TRIM61: variants seen among roughly 807,000 people sequenced by gnomAD.
TRIM61 encodes putative tripartite motif-containing protein 61.
Under a neutral mutation model 14.2 loss-of-function variants are expected in TRIM61, and 1 was observed. The ratio of observed to expected loss-of-function variants is 0.07; its 90% CI spans 0.03 to 0.33. The LOEUF (loss-of-function observed/expected upper bound fraction) is 0.33. Ranked by LOEUF, TRIM61 falls within the 10% of genes least tolerant of loss-of-function variation. TRIM61 has a pLI of 0.99. For synonymous variants in TRIM61, 8 were observed against 71.6 expected, an observed-to-expected ratio of 0.11 and a Z score of 4.49; for missense variants, 19 against 202.2, an observed-to-expected ratio of 0.09 and a Z score of 5.49.
chr4:164,968,698 T>G (rs2111145653), intron 3 of TRIM61: 2 of 984,290 alleles, frequency 2.0e-6, no homozygotes, highest in East Asian at 1.1e-4. Flanking sequence ...AGAGAAGAGA[T>G]CTATCATTCA....
chr4:164,957,284 C>G lies in TRIM61; in HGVS notation c.526-2188G>C, dbSNP rs769800735. ...GAAGCGAATCGTTTTCTCCGCGTGCCCTGTCAGCCGCTCATGGTGCCCAGA... is the reference window on the plus strand; with the variant it reads ...GAAGCGAATCGTTTTCTCCGCGTGCGCTGTCAGCCGCTCATGGTGCCCAGA... On this transcript the variant is annotated intron_variant, in intron 3 of 4. Transcript: ENST00000329314. 48 of 1,614,072 alleles carry G rather than the reference C, an allele frequency of 3.0e-5. 1 individual carries two copies. The highest frequency in any genetic ancestry group is 3.7e-5 in the Non-Finnish European group (44 of 1,180,040).
At chr4:164,969,073 G>A (rs1732302528) in intron 3 of TRIM61, 1 of 1,079,070 alleles carries the variant, frequency 9.3e-7, no homozygotes, top group Non-Finnish European at 1.1e-6. Flanking sequence ...TATCTTCTGA[G>A]ACTATAAGTT....
intron 3 of TRIM61, among the ~76,000 whole-genome samples, chr4:164,956,508 A>G (rs2111128254): frequency 6.6e-6 from 1 of 152,348 alleles, no homozygotes; most frequent in South Asian, 2.1e-4. Context: ...TCTCCTGCCA[A>G]TGGAGTAAAT....
At chr4:164,955,284 A>G (rs1203984288) in intron 3 of TRIM61, among the ~76,000 whole-genome samples, 1 of 152,066 alleles carries the variant, frequency 6.6e-6, no homozygotes, top group Non-Finnish European at 1.5e-5. Flanking sequence ...AATTACATCT[A>G]ATTATGTCTG....
chr4:164,969,270 C>G, intron 3 of TRIM61: 1 of 1,431,908 alleles, frequency 7.0e-7, no homozygotes, highest in South Asian at 1.5e-5. Context: ...AATTCCAGTT[C>G]TGACTTCACA....
chr4:164,974,411 G>A (rs1289631232), intron 2 of TRIM61, among the ~76,000 whole-genome samples: 1 of 152,144 alleles, frequency 6.6e-6, no homozygotes, highest in Non-Finnish European at 1.5e-5. Context: ...ATTAACTTCA[G>A]ATAGAATCGA....
At chr4:164,969,093 C>T in intron 3 of TRIM61, 1 of 1,092,998 alleles carries the variant, frequency 9.1e-7, no homozygotes, top group Middle Eastern at 4.3e-4. Flanking sequence ...TTACGATGTG[C>T]TGTTTCAGGA....
intron 3 of TRIM61, among the ~76,000 whole-genome samples, chr4:164,967,098 A>G (rs938096593): frequency 1.3e-5 from 2 of 152,224 alleles, no homozygotes; most frequent in African/African-American, 4.8e-5. Flanking sequence ...TAATATTCAA[A>G]AATTAGTTTT....
intron 3 of TRIM61, among the ~76,000 whole-genome samples, chr4:164,965,914 C>T (rs1732229978): frequency 6.6e-6 from 1 of 152,038 alleles, no homozygotes; most frequent in Admixed American, 6.6e-5. Flanking sequence ...ACTTTATTTC[C>T]CATGAACCTT....
intron 3 of TRIM61, among the ~76,000 whole-genome samples, chr4:164,962,370 G>A (rs1167407167): frequency 6.6e-6 from 1 of 150,942 alleles, no homozygotes; most frequent in Non-Finnish European, 1.5e-5. Context: ...ACAGGCGCCT[G>A]CCACCATGCC....
chr4:164,964,582 C>T (rs1732200095), intron 3 of TRIM61, among the ~76,000 whole-genome samples: 1 of 152,056 alleles, frequency 6.6e-6, no homozygotes, highest in Non-Finnish European at 1.5e-5. Context: ...CAAATGCATG[C>T]TCTTTCCACT....
At chr4:164,962,558 C>A (rs984025038) in intron 3 of TRIM61, among the ~76,000 whole-genome samples, 1 of 151,892 alleles carries the variant, frequency 6.6e-6, no homozygotes, top group African/African-American at 2.4e-5. Flanking sequence ...ATAGTTACTT[C>A]TGTAAATAAA....
intron 2 of TRIM61, among the ~76,000 whole-genome samples, chr4:164,971,931 T>C (rs1579149844): frequency 6.6e-6 from 1 of 152,312 alleles, no homozygotes; most frequent in East Asian, 1.9e-4. Flanking sequence ...ACAGTAATAG[T>C]ATGTGCATGG....
At chr4:164,973,898 G>T (rs1732425234) in intron 2 of TRIM61, among the ~76,000 whole-genome samples, 1 of 152,232 alleles carries the variant, frequency 6.6e-6, no homozygotes, top group African/African-American at 2.4e-5. Flanking sequence ...GGCCAGGCGT[G>T]GTGGCTCACA....
At chr4:164,960,882 C>T (rs6828659) in intron 3 of TRIM61, among the ~76,000 whole-genome samples, 38,252 of 151,494 alleles carry the variant, frequency 0.25, 5,126 homozygotes, top group Middle Eastern at 0.37. Flanking sequence ...AACCAGGAAG[C>T]GGAGGTCGTA....
At chr4:164,967,491 T>C (rs1732268541) in intron 3 of TRIM61, among the ~76,000 whole-genome samples, 1 of 152,042 alleles carries the variant, frequency 6.6e-6, no homozygotes, top group South Asian at 2.1e-4. Context: ...CAAAGTGAAG[T>C]GAAGGACAGT....
At chr4:164,974,038 C>T (rs1051417929) in intron 2 of TRIM61, among the ~76,000 whole-genome samples, 5 of 152,176 alleles carry the variant, frequency 3.3e-5, no homozygotes, top group Admixed American at 6.5e-5. Flanking sequence ...GCAGTGGTGG[C>T]GCATGCCAGT....
intron 3 of TRIM61, among the ~76,000 whole-genome samples, chr4:164,965,486 T>C (rs1732219978): frequency 7.2e-6 from 1 of 138,058 alleles, no homozygotes; most frequent in African/African-American, 2.8e-5. Context: ...CAGGCTGGAG[T>C]GCAGTGGCGC....
At chr4:164,971,516 G>A (rs1007058289) in intron 2 of TRIM61, among the ~76,000 whole-genome samples, 6 of 151,724 alleles carry the variant, frequency 4.0e-5, no homozygotes, top group African/African-American at 1.2e-4. Flanking sequence ...GCTTGAACCC[G>A]AGAGGAGGAG....
Sources: gnomAD v4.1 joint callset for allele counts (sites outside exome capture counted in the v4.1 genomes callset) on GRCh38, gnomAD v4.1.1 for gene constraint, MANE v1.5 for transcripts, NCBI Gene and HGNC (gene_info 2026-07-23, HGNC 2026-07-21) for gene names.